The following REV3L variants were observed in gnomAD, a reference collection of about 807,000 sequenced individuals.
REV3L encodes the protein DNA polymerase zeta catalytic subunit.
Under a neutral mutation model 299.4 loss-of-function variants are expected in REV3L, and 69 were observed. The ratio of observed to expected loss-of-function variants is 0.23; its 90% CI spans 0.19 to 0.28. The LOEUF is 0.28. REV3L is among the 10% of genes least tolerant of loss of function. The pLI is 1.00. For synonymous variants in REV3L, 1,238 were observed against 1,271.4 expected, an observed-to-expected ratio of 0.97 and a Z score of 0.56; for missense variants, 3,128 against 3,693.8, an observed-to-expected ratio of 0.85 and a Z score of 3.97.
chr6:111,356,867 A>T (rs1562173314), intron 18 of REV3L, 147 bp downstream of exon 18: 1 of 382,278 alleles, frequency 2.6e-6, no homozygotes, highest in Non-Finnish European at 4.8e-6. Flanking sequence ...GTGAGTATAA[A>T]ATCTTCCCAA....
At chr6:111,332,418 C>T (rs1316611567) in intron 23 of REV3L, among the ~76,000 whole-genome samples, 1 of 152,082 alleles carries the variant, frequency 6.6e-6, no homozygotes, top group African/African-American at 2.4e-5. Context: ...TTTTAACATC[C>T]TTGTGAATAT....
intron 26 of REV3L, among the ~76,000 whole-genome samples, chr6:111,316,160 C>T (rs1356836154): frequency 6.7e-6 from 1 of 149,894 alleles, no homozygotes; most frequent in Non-Finnish European, 1.5e-5. Flanking sequence ...ATCGCTTGAG[C>T]CTGGGAGGCA....
chr6:111,354,920 G>A (rs1777939199), intron 18 of REV3L, among the ~76,000 whole-genome samples: 1 of 152,130 alleles, frequency 6.6e-6, no homozygotes, highest in African/African-American at 2.4e-5. Context: ...CTCTAGTAGA[G>A]GCAAGGGGCA....
At chr6:111,409,782 A>G (rs918022295) in intron 3 of REV3L, among the ~76,000 whole-genome samples, 1 of 152,026 alleles carries the variant, frequency 6.6e-6, no homozygotes, top group African/African-American at 2.4e-5. Context: ...TTTTTTTTAA[A>G]TTTTTTTATT....
At chr6:111,430,516 T>G in intron 1 of REV3L, 4 of 1,562,114 alleles carry the variant, frequency 2.6e-6, no homozygotes, top group Non-Finnish European at 3.5e-6. Flanking sequence ...GGGATGAAAA[T>G]TCTTAGACAT....
At chr6:111,341,068 GC>G (rs1335566900) in intron 21 of REV3L, among the ~76,000 whole-genome samples, 2 of 122,854 alleles carry the variant, frequency 1.6e-5, no homozygotes, top group Non-Finnish European at 3.3e-5. Context: ...ATGGAGTCTT[GC>G]TGTGTCGCCC....
chr6:111,450,508 C>CAAAAAAAAAAAAAAAAAAAAAA (rs1789400781), intron 1 of REV3L, among the ~76,000 whole-genome samples: 7 of 94,278 alleles, frequency 7.4e-5, no homozygotes, highest in Admixed American at 2.2e-4. Context: ...AAAAAAAAAC[C>CAAAAAAAAAAAAAAAAAAAAAA]AAAAAACATT....
rs753507060 is a variant in REV3L at position 111,377,774 on chromosome 6, T to C, written c.1524A>G (p.Glu508=). The C allele has an allele frequency of 6.2e-7, 1 of 1,613,570 alleles. No individual in the cohort carries two copies. The highest frequency in any genetic ancestry group is 8.5e-7 in the Non-Finnish European group (1 of 1,179,644). Residue 508 remains glutamate, a synonymous_variant, in exon 12 of 32, where the codon GAA becomes GAG. Coordinates refer to ENST00000368802, the MANE Select transcript of REV3L (RefSeq NM_001372078.1). Reference sequence around the variant, plus strand: ...CTAGAAGCAAACTGTTATCACTCCATTCCATTTCTTCTCCTGAAGATGAGT... The same window carrying C: ...CTAGAAGCAAACTGTTATCACTCCACTCCATTTCTTCTCCTGAAGATGAGT... ...DDDSSSGEEM[E]WSDNSLLLAS...
intron 16 of REV3L, chr6:111,361,603 T>C (rs1316475216): frequency 6.6e-6 from 1 of 151,966 alleles, no homozygotes; most frequent in African/African-American, 2.4e-5. Context: ...TTAGGGGGTA[T>C]TTTTTTAAAG....
In REV3L at chr6:111,422,611, T is replaced by C. The variant is rs549994605; in HGVS notation, c.140-6139A>G. Among the ~76,000 whole-genome samples, 77 of 27,288 alleles carry C rather than the reference T, an allele frequency of 2.8e-3. 18 individuals carry two copies. The highest frequency in any genetic ancestry group is 9.0e-3 in the South Asian group (6 of 664). 17.9% of individuals were successfully genotyped at this position (27,288 alleles called of 152,430 possible). Reference sequence around the variant, plus strand: ...ATATATATACACATATATATATATATACACATATATATATATATACACATA... The same window carrying C: ...ATATATATACACATATATATATATACACACATATATATATATATACACATA... On this transcript the variant is annotated intron_variant, in intron 1 of 31. Transcript: ENST00000368802.
rs1321798066 is a variant in REV3L, at chr6:111,450,448, C to T, written c.139+32302G>A. Among the ~76,000 whole-genome samples the T allele has an allele frequency of 2.3e-5, 3 of 133,316 alleles. No homozygotes were observed. In the Admixed American group the frequency reaches 2.6e-4, roughly 11 times the overall value. The allele number at this position is 133,316 out of a possible 152,430, so 87.5% of individuals were successfully genotyped here. A position where few individuals can be genotyped will look rare whatever the true frequency, so the allele number is the denominator to read the frequency against. ...GAGCCATGCTTGTGCCATTGCACTC[C>T]AGCCCGGGTGACAGAGCAAGACCCT... is the stretch of plus-strand genomic sequence containing the variant. On this transcript the variant is annotated intron_variant, in intron 1 of 31. Transcript: ENST00000368802.
intron 6 of REV3L, among the ~76,000 whole-genome samples, chr6:111,389,727 ATTTTTT>A (rs10713895): frequency 1.2e-3 from 99 of 81,374 alleles, no homozygotes; most frequent in African/African-American, 4.3e-3. Context: ...TTGGTCATTA[ATTTTTT>A]TTTTTTTTTT....
intron 1 of REV3L, among the ~76,000 whole-genome samples, chr6:111,416,759 T>C (rs1415547722): frequency 7.9e-5 from 12 of 152,238 alleles, no homozygotes; most frequent in Admixed American, 7.9e-4. Context: ...TCTTGTGTAC[T>C]TCACTGAATC....
At chr6:111,307,806 T>C in intron 30 of REV3L, 1 of 476,602 alleles carries the variant, frequency 2.1e-6, no homozygotes. Flanking sequence ...ATTTTTTTTT[T>C]ATTATTATAA....
chr6:111,408,562 C>T (rs1385485901), intron 3 of REV3L, among the ~76,000 whole-genome samples: 2 of 152,050 alleles, frequency 1.3e-5, no homozygotes, highest in Non-Finnish European at 2.9e-5. Context: ...CGACATGGTG[C>T]CACTGCACCC....
chr6:111,337,102 G>A (rs2114862584), intron 21 of REV3L, among the ~76,000 whole-genome samples: 1 of 152,166 alleles, frequency 6.6e-6, no homozygotes. Flanking sequence ...GGGGTGATAG[G>A]AGTGATGAAA....
intron 1 of REV3L, among the ~76,000 whole-genome samples, chr6:111,435,939 G>A (rs116259914): frequency 0.028 from 4,329 of 152,126 alleles, 73 homozygotes; most frequent in South Asian, 0.078. Context: ...AAATATATAA[G>A]GAGCTCAAAC....
intron 1 of REV3L, among the ~76,000 whole-genome samples, chr6:111,445,895 T>A (rs924552497): frequency 6.6e-6 from 1 of 152,122 alleles, no homozygotes; most frequent in Non-Finnish European, 1.5e-5. Flanking sequence ...AGACAAAGCA[T>A]AGGATATATT....
chr6:111,416,179 T>C (rs764537447), intron 2 of REV3L, 104 bp downstream of exon 2: 23 of 751,604 alleles, frequency 3.1e-5, no homozygotes, highest in Non-Finnish European at 4.1e-5. Context: ...ACAGTTCCAT[T>C]AGACTAGAAG....
Sources: allele counts gnomAD v4.1 joint callset (sites outside exome capture counted in the v4.1 genomes callset), GRCh38; gene constraint gnomAD v4.1.1; transcripts MANE v1.5; gene names NCBI Gene and HGNC (gene_info 2026-07-23, HGNC 2026-07-21).